The following VWA3B variants were observed in gnomAD, a reference collection of about 807,000 sequenced individuals.
The protein encoded by VWA3B is von Willebrand factor A domain-containing protein 3B.
A neutral mutation model predicts 158.3 loss-of-function variants in VWA3B; 138 were observed. The ratio of observed to expected loss-of-function variants is 0.87; its 90% CI spans 0.76 to 1.00. The LOEUF (loss-of-function observed/expected upper bound fraction) is 1.00. Among genes scored for constraint, VWA3B ranks in the 50% least tolerant of loss-of-function variants. The probability of loss-of-function intolerance (pLI) is 0.00; values close to 1 mark genes in which losing one functional copy is unlikely to be tolerated. For synonymous variants in VWA3B, 596 were observed against 587.3 expected (o/e 1.01, Z -0.21); for missense variants, 1,555 against 1,565.1 (o/e 0.99, Z 0.11).
chr2:98,168,463 T>C (rs1178626850), intron 8 of VWA3B, among the ~76,000 whole-genome samples: 2 of 152,034 alleles, frequency 1.3e-5, no homozygotes, highest in South Asian at 4.1e-4. Context: ...TCTTTGAATG[T>C]CCTATCTCTA....
chr2:98,111,409 A>G (rs1235768369), intron 2 of VWA3B, among the ~76,000 whole-genome samples: 1 of 152,180 alleles, frequency 6.6e-6, no homozygotes, highest in Admixed American at 6.5e-5. Context: ...TTTCTTTTCC[A>G]TTGGGTAGAT....
intron 6 of VWA3B, among the ~76,000 whole-genome samples, chr2:98,129,785 C>A (rs1559557318): frequency 6.6e-6 from 1 of 152,118 alleles, no homozygotes; most frequent in Admixed American, 6.6e-5. Context: ...TTATAAAATC[C>A]TTTCCTAAGT....
chr2:98,098,247 T>TA (rs942194209), intron 2 of VWA3B, among the ~76,000 whole-genome samples: 1 of 152,150 alleles, frequency 6.6e-6, no homozygotes, highest in African/African-American at 2.4e-5. Context: ...GAGTTCAGTT[T>TA]AAATCTAACA....
At chr2:98,160,820 T>C (rs1465799951) in intron 7 of VWA3B, among the ~76,000 whole-genome samples, 1 of 152,218 alleles carries the variant, frequency 6.6e-6, no homozygotes, top group Non-Finnish European at 1.5e-5. Flanking sequence ...AGGCTGTTGA[T>C]GGCCACAGAG....
intron 23 of VWA3B, among the ~76,000 whole-genome samples, chr2:98,294,203 CAA>C (rs751689571): frequency 2.9e-3 from 164 of 56,252 alleles, no homozygotes; most frequent in African/African-American, 0.012. Flanking sequence ...CACACACACA[CAA>C]AAAAAAAAAA....
chr2:98,280,468 G>A (rs74414322), intron 22 of VWA3B, among the ~76,000 whole-genome samples: 1 of 152,222 alleles, frequency 6.6e-6, no homozygotes, highest in East Asian at 1.9e-4. Context: ...TCCACACCCC[G>A]GTGCTGCCCT....
intron 8 of VWA3B, among the ~76,000 whole-genome samples, chr2:98,166,420 G>A (rs546082107): frequency 6.6e-6 from 1 of 152,162 alleles, no homozygotes; most frequent in Non-Finnish European, 1.5e-5. Flanking sequence ...GATAGGATTG[G>A]TGTCTTTATA....
At chr2:98,119,339 G>A (rs1674774648) in intron 3 of VWA3B, among the ~76,000 whole-genome samples, 174 bp from the exon 4 acceptor site, 2 of 151,578 alleles carry the variant, frequency 1.3e-5, no homozygotes, top group South Asian at 2.1e-4. Flanking sequence ...TTCTTCTGTG[G>A]AGAATCCAAG....
intron 7 of VWA3B, among the ~76,000 whole-genome samples, chr2:98,134,906 G>A (rs1032969536): frequency 2.6e-5 from 4 of 151,842 alleles, no homozygotes; most frequent in African/African-American, 9.7e-5. Context: ...CAGATTCTTG[G>A]TGTCCAAGCA....
rs1409091329 is a variant in VWA3B at position 98,270,758 on chromosome 2, C to T, written c.2920C>T (p.Pro974Ser). Residue 974 changes from proline (P) to serine (S), a missense_variant, in exon 22 of 28, where the codon CCC (proline) becomes TCC (serine). Transcript: ENST00000477737. ...LNQALERLNW[P>S]ISLKELSMLE... ...CCAGGCTTTAGAACGGTTGAATTGG[C>T]CCATTTCACTGAAAGAGCTGTCGAT... 1 of 1,614,092 alleles carries T rather than the reference C, an allele frequency of 6.2e-7. No homozygotes were observed. The highest frequency in any genetic ancestry group is 1.7e-5 in the Admixed American group (1 of 60,006).
At chr2:98,251,337 A>C (rs1686788935) in intron 20 of VWA3B, among the ~76,000 whole-genome samples, 1 of 152,160 alleles carries the variant, frequency 6.6e-6, no homozygotes, top group Non-Finnish European at 1.5e-5. Context: ...GTGACTAATA[A>C]AACTCGACAG....
intron 9 of VWA3B, among the ~76,000 whole-genome samples, chr2:98,186,323 C>T (rs1271073552): frequency 1.3e-5 from 2 of 151,992 alleles, no homozygotes; most frequent in East Asian, 1.9e-4. Flanking sequence ...ACACTCATTT[C>T]CTGGGTGGTC....
At chr2:98,279,312 A>G (rs1238796790) in intron 22 of VWA3B, among the ~76,000 whole-genome samples, 1 of 152,218 alleles carries the variant, frequency 6.6e-6, no homozygotes, top group Non-Finnish European at 1.5e-5. Context: ...CTGAGGTGAC[A>G]AAAACTTAGA....
chr2:98,234,110 C>A (rs1685514321), intron 16 of VWA3B, among the ~76,000 whole-genome samples: 1 of 152,208 alleles, frequency 6.6e-6, no homozygotes, highest in African/African-American at 2.4e-5. Flanking sequence ...ACCCTGCAAT[C>A]TTTGAATATG....
intron 14 of VWA3B, among the ~76,000 whole-genome samples, chr2:98,222,084 C>G (rs779843623): frequency 5.3e-5 from 8 of 152,016 alleles, no homozygotes; most frequent in Non-Finnish European, 1.2e-4. Context: ...CCACGGTGGT[C>G]CTCCCCATAA....
At chr2:98,289,740 G>A (rs1463304438) in intron 22 of VWA3B, among the ~76,000 whole-genome samples, 2 of 152,198 alleles carry the variant, frequency 1.3e-5, no homozygotes, top group Non-Finnish European at 2.9e-5. Flanking sequence ...ACCGCTCACT[G>A]TTCTAGGAAG....
At position 98,264,035 on chromosome 2, in the gene VWA3B, T is replaced by C. The variant is rs755432208; in HGVS notation, c.2844-6647T>C. 2.0e-4 allele frequency among the ~76,000 whole-genome samples: 31 copies of C among 152,134 alleles called. 1 individual carries two copies. The highest frequency in any genetic ancestry group is 7.5e-4 in the African/African-American group (31 of 41,510). On this transcript the variant is annotated intron_variant, in intron 21 of 27. Coordinates refer to ENST00000477737, the MANE Select transcript of VWA3B (RefSeq NM_144992.5). The stretch of plus-strand genomic sequence containing the variant: ...CAATTTGTCGGTGTAATATTGCTCT[T>C]AGTAGTCTCATAATCCTTTTAATTT...
At chr2:98,254,677 C>T (rs540237688) in intron 20 of VWA3B, among the ~76,000 whole-genome samples, 2 of 152,320 alleles carry the variant, frequency 1.3e-5, no homozygotes, top group Admixed American at 6.5e-5. Flanking sequence ...GTCCTCATGG[C>T]GACACTAGGA....
At chr2:98,099,987 T>C (rs2104845125) in intron 2 of VWA3B, among the ~76,000 whole-genome samples, 1 of 152,324 alleles carries the variant, frequency 6.6e-6, no homozygotes. Context: ...TGTTTCTCTG[T>C]ATTTTCTTGA....
Sources: allele counts gnomAD v4.1 joint callset (sites outside exome capture counted in the v4.1 genomes callset), GRCh38; gene constraint gnomAD v4.1.1; transcripts MANE v1.5; gene names NCBI Gene and HGNC (gene_info 2026-07-23, HGNC 2026-07-21).